Variants in GRIK1 observed in about 807,000 individuals in gnomAD.
The protein encoded by GRIK1 is glutamate ionotropic receptor kainate type subunit 1.
Under a neutral mutation model 105.7 loss-of-function variants are expected in GRIK1, and 69 were observed. The ratio of observed to expected loss-of-function variants is 0.65; its 90% confidence interval spans 0.54 to 0.80. The LOEUF (loss-of-function observed/expected upper bound fraction) is 0.80, where lower values mean the gene tolerates loss of function less well. GRIK1 is among the 30% of genes least tolerant of loss of function. The pLI is 0.00. For synonymous variants in GRIK1, 438 were observed against 431.3 expected, an observed-to-expected ratio of 1.02 and a Z score of -0.19; for missense variants, 1,109 against 1,167.3, an observed-to-expected ratio of 0.95 and a Z score of 0.73.
chr21:29,546,408 C>T (rs2090051223), intron 16 of GRIK1, among the ~76,000 whole-genome samples: 1 of 152,228 alleles, frequency 6.6e-6, no homozygotes, highest in Admixed American at 6.5e-5. Flanking sequence ...CACCTCCTGG[C>T]CCTTCACCCT....
chr21:29,836,905 A>G (rs2067823783), intron 1 of GRIK1, among the ~76,000 whole-genome samples: 1 of 152,200 alleles, frequency 6.6e-6, no homozygotes, highest in African/African-American at 2.4e-5. Context: ...TCTAGGAGCC[A>G]AGAAAATTAT....
chr21:29,587,347 C>A lies in GRIK1; in HGVS notation c.1793+19G>T. The A allele has an allele frequency of 6.7e-7, 1 of 1,484,822 alleles. No individual in the cohort carries two copies. Among genetic ancestry groups the A allele is most frequent in the East Asian group, 2.3e-5 (1 of 44,224 alleles). The allele number at this position is 1,484,822 out of a possible 1,614,324, so 92.0% of individuals were successfully genotyped here. Reference sequence around the variant, plus strand: ...GACTGACCTACACCTCTTGTGAATTCAGTGATTCTCAAACTTACCTTGCAA... The same window carrying A: ...GACTGACCTACACCTCTTGTGAATTAAGTGATTCTCAAACTTACCTTGCAA... On this transcript the variant is annotated intron_variant, in intron 12 of 17. Transcript: ENST00000327783.
rs572915232 is a variant in GRIK1, at chr21:29,692,960, A to G, written c.286+936T>C. On this transcript the variant is annotated intron_variant, in intron 2 of 17. Coordinates refer to ENST00000327783, the MANE Select transcript of GRIK1 (RefSeq NM_001330994.2). ...CACTAGAATTCTTGCAGGAGGCTGT[A>G]TCAGGTGGACACAACCTATGATCTA... Among the ~76,000 whole-genome samples, 8 of 152,234 alleles carry G rather than the reference A, an allele frequency of 5.3e-5. No homozygotes were observed. The East Asian group carries it at 1.3e-3, about 26-fold the overall frequency.
At chr21:29,674,982 T>A (rs1244606102) in intron 3 of GRIK1, among the ~76,000 whole-genome samples, 1 of 152,224 alleles carries the variant, frequency 6.6e-6, no homozygotes, top group Non-Finnish European at 1.5e-5. Flanking sequence ...CACAGCCACG[T>A]CATGAACTAC....
In GRIK1 at chr21:29,802,812, C is replaced by G. The variant is rs149613319; in HGVS notation, c.119-108749G>C. Among the ~76,000 whole-genome samples the G allele has an allele frequency of 1.1e-3, 168 of 152,272 alleles. 2 individuals are homozygous for G. The highest frequency in any genetic ancestry group is 5.8e-3 in the South Asian group (28 of 4,828). ...CTAGCTCACATAAAGTATATACTGACTTGTTTCCAAAATTACAACTTAGAA... is the reference window on the plus strand; with the variant it reads ...CTAGCTCACATAAAGTATATACTGAGTTGTTTCCAAAATTACAACTTAGAA... On this transcript the variant is annotated intron_variant, in intron 1 of 17. Transcript: ENST00000327783.
chr21:29,620,159 G>T (rs1035847252), intron 7 of GRIK1, among the ~76,000 whole-genome samples: 2 of 152,224 alleles, frequency 1.3e-5, no homozygotes, highest in African/African-American at 2.4e-5. Context: ...AATTTAGGAT[G>T]TGTAACTGCA....
chr21:29,659,700 C>T (rs569700093), intron 4 of GRIK1, among the ~76,000 whole-genome samples: 22 of 152,300 alleles, frequency 1.4e-4, no homozygotes, highest in Admixed American at 3.3e-4. Context: ...GTGGCTCACG[C>T]TTGTAATCCC....
chr21:29,797,026 G>A (rs1466405782), intron 1 of GRIK1, among the ~76,000 whole-genome samples: 1 of 151,838 alleles, frequency 6.6e-6, no homozygotes, highest in Non-Finnish European at 1.5e-5. Context: ...TAATGCGTTA[G>A]TACAAAAGTA....
At chr21:29,883,000 A>C (rs188965588) in intron 1 of GRIK1, among the ~76,000 whole-genome samples, 2 of 152,136 alleles carry the variant, frequency 1.3e-5, no homozygotes, top group East Asian at 3.9e-4. Flanking sequence ...TCCAGCTTTA[A>C]CCTTAGTCAT....
intron 4 of GRIK1, among the ~76,000 whole-genome samples, chr21:29,667,075 G>A (rs912301720): frequency 6.6e-6 from 1 of 152,104 alleles, no homozygotes; most frequent in African/African-American, 2.4e-5. Flanking sequence ...TGGCCCCTGA[G>A]GTCTTCGGCC....
chr21:29,793,765 T>A (rs1275708724), intron 1 of GRIK1, among the ~76,000 whole-genome samples: 3 of 152,218 alleles, frequency 2.0e-5, no homozygotes, highest in African/African-American at 7.2e-5. Context: ...ATACATTAAA[T>A]AAAGGCTCAG....
At chr21:29,817,239 T>A (rs1189406225) in intron 1 of GRIK1, among the ~76,000 whole-genome samples, 1 of 151,998 alleles carries the variant, frequency 6.6e-6, no homozygotes, top group Non-Finnish European at 1.5e-5. Flanking sequence ...TATAAGATGT[T>A]GCATGAATAA....
At chr21:29,578,390 G>A (rs555885695) in intron 13 of GRIK1, among the ~76,000 whole-genome samples, 7 of 152,176 alleles carry the variant, frequency 4.6e-5, no homozygotes, top group African/African-American at 7.2e-5. Flanking sequence ...AAGGAAAATT[G>A]GAGTTCACCA....
chr21:29,851,985 T>A (rs550378405), intron 1 of GRIK1, among the ~76,000 whole-genome samples: 1 of 152,322 alleles, frequency 6.6e-6, no homozygotes, highest in Non-Finnish European at 1.5e-5. Flanking sequence ...AGTGCCATCT[T>A]TGATCCTTCT....
At chr21:29,894,337 G>A (rs962333897) in intron 1 of GRIK1, among the ~76,000 whole-genome samples, 4 of 152,020 alleles carry the variant, frequency 2.6e-5, no homozygotes, top group African/African-American at 9.7e-5. Context: ...GTAGTCAAAG[G>A]CCCAAGAGCC....
intron 1 of GRIK1, among the ~76,000 whole-genome samples, chr21:29,699,741 C>T (rs948688060): frequency 3.3e-5 from 5 of 151,816 alleles, no homozygotes; most frequent in African/African-American, 7.3e-5. Context: ...CTCCAGCTCC[C>T]GGGTTCAAGA....
At chr21:29,851,836 G>A (rs2068315618) in intron 1 of GRIK1, among the ~76,000 whole-genome samples, 1 of 152,132 alleles carries the variant, frequency 6.6e-6, no homozygotes, top group Admixed American at 6.5e-5. Flanking sequence ...TCACCCCTTG[G>A]ACGAAATGTC....
chr21:29,831,075 C>A (rs2067622886), intron 1 of GRIK1, among the ~76,000 whole-genome samples: 1 of 152,132 alleles, frequency 6.6e-6, no homozygotes, highest in Non-Finnish European at 1.5e-5. Flanking sequence ...CTGTAGCATT[C>A]TATTACTACC....
chr21:29,740,680 C>A (rs1601575291), intron 1 of GRIK1, among the ~76,000 whole-genome samples: 1 of 152,134 alleles, frequency 6.6e-6, no homozygotes, highest in South Asian at 2.1e-4. Context: ...CAAAGAGTAT[C>A]TTTAACAATC....
Sources: allele counts gnomAD v4.1 joint callset (sites outside exome capture counted in the v4.1 genomes callset), GRCh38; gene constraint gnomAD v4.1.1; transcripts MANE v1.5; gene names NCBI Gene and HGNC (gene_info 2026-07-23, HGNC 2026-07-21).